The following CREM variants were observed in gnomAD, a reference collection of about 807,000 sequenced individuals.
CREM encodes cAMP-responsive element modulator.
Under a neutral mutation model 37.3 loss-of-function variants are expected in CREM, and 13 were observed. The ratio of observed to expected loss-of-function variants is 0.35; its 90% confidence interval spans 0.23 to 0.55. The LOEUF (loss-of-function observed/expected upper bound fraction) is 0.55. Ranked by LOEUF, CREM falls within the 20% of genes least tolerant of loss-of-function variation. The pLI is 0.88. For missense variants in CREM, 296 were observed against 362.3 expected, an observed-to-expected ratio of 0.82 and a Z score of 1.49; for synonymous variants, 124 against 120.2, an observed-to-expected ratio of 1.03 and a Z score of -0.21.
chr10:35,178,050 G>C (rs1191080956), intron 3 of CREM, among the ~76,000 whole-genome samples: 1 of 152,028 alleles, frequency 6.6e-6, no homozygotes, highest in Non-Finnish European at 1.5e-5. Context: ...ATTTTAATAA[G>C]CTCTTTTGAT....
intron 3 of CREM, among the ~76,000 whole-genome samples, chr10:35,163,529 A>G (rs1589715411): frequency 6.6e-6 from 1 of 152,282 alleles, no homozygotes. Context: ...ATGAAAAATT[A>G]AAAACTTAGG....
intron 6 of CREM, among the ~76,000 whole-genome samples, chr10:35,191,948 A>G (rs1234466940): frequency 7.5e-6 from 1 of 132,678 alleles, no homozygotes; most frequent in Non-Finnish European, 1.7e-5. Flanking sequence ...CCTTGATGCC[A>G]GAAACCTAGG....
chr10:35,159,730 C>T (rs2093169342), intron 3 of CREM, among the ~76,000 whole-genome samples: 1 of 152,128 alleles, frequency 6.6e-6, no homozygotes, highest in Non-Finnish European at 1.5e-5. Flanking sequence ...TTACGTCAAA[C>T]TATAAAGCTT....
rs1357582501 is a variant in CREM, at chr10:35,198,126, T to C, written c.599-8769T>C. Among the ~76,000 whole-genome samples, 5 of 152,256 alleles carry C rather than the reference T, an allele frequency of 3.3e-5. No individual in the cohort carries two copies. The South Asian group carries it at 8.3e-4, about 25-fold the overall frequency. On this transcript the variant is annotated intron_variant, in intron 6 of 7. Transcript: ENST00000685392. ...CCATTAATGGTCTACAGCTTACAGT[T>C]TGAAAAACTTTGATCTAGACCAAAA...
chr10:35,145,922 C>T (rs879269005), intron 2 of CREM, among the ~76,000 whole-genome samples: 1 of 151,896 alleles, frequency 6.6e-6, no homozygotes, highest in Non-Finnish European at 1.5e-5. Flanking sequence ...AAGTTTGATT[C>T]ACTAGGTTTG....
chr10:35,152,440 A>G (rs986656505), intron 3 of CREM: 2 of 152,220 alleles, frequency 1.3e-5, no homozygotes, highest in Non-Finnish European at 1.5e-5. Flanking sequence ...ATAACTTTGT[A>G]GTAATAAATG....
intron 6 of CREM, among the ~76,000 whole-genome samples, chr10:35,189,269 A>G (rs1234500564): frequency 6.6e-6 from 1 of 152,018 alleles, no homozygotes; most frequent in African/African-American, 2.4e-5. Context: ...GCTGTCAGTA[A>G]TGAAATAAAA....
chr10:35,185,198 A>T (rs942253086), intron 5 of CREM, among the ~76,000 whole-genome samples: 11 of 150,508 alleles, frequency 7.3e-5, no homozygotes, highest in African/African-American at 2.4e-4. Context: ...CGCCTCCCAG[A>T]TTCAAGCGAT....
intron 6 of CREM, among the ~76,000 whole-genome samples, chr10:35,189,758 C>T (rs1012332054): frequency 2.0e-4 from 31 of 152,278 alleles, no homozygotes; most frequent in African/African-American, 6.7e-4. Context: ...TCAGGCAGTC[C>T]ACCCACCTTG....
Position 35,189,836 on chromosome 10 carries a change from C to T in CREM, c.598+1448C>T, listed in dbSNP as rs576695262. 9.9e-5 allele frequency among the ~76,000 whole-genome samples: 15 copies of T among 152,128 alleles called. No individual in the cohort carries two copies. The South Asian group carries it at 1.0e-3, about 11-fold the overall frequency. ...GAAAGTAAAATCAGTTATTTTAGTT[C>T]GAATGTCTTGCAGGTATGATAAGCA... On this transcript the variant is annotated intron_variant, in intron 6 of 7. Transcript: ENST00000685392.
chr10:35,202,858 T>C (rs1227851586), intron 6 of CREM, among the ~76,000 whole-genome samples: 4 of 152,184 alleles, frequency 2.6e-5, no homozygotes, highest in Non-Finnish European at 5.9e-5. Flanking sequence ...CCTTCCAAGT[T>C]ATTTTAAAGT....
At chr10:35,199,811 G>A (rs1423611324) in intron 6 of CREM, among the ~76,000 whole-genome samples, 1 of 150,682 alleles carries the variant, frequency 6.6e-6, no homozygotes, top group Non-Finnish European at 1.5e-5. Context: ...TGTCACGTGA[G>A]TACATGCTGC....
At chr10:35,170,128 A>T (rs2093739095) in intron 3 of CREM, among the ~76,000 whole-genome samples, 2 of 151,888 alleles carry the variant, frequency 1.3e-5, no homozygotes, top group South Asian at 2.1e-4. Context: ...ACACCCGGCT[A>T]ATTTTTTTTG....
At position 35,146,190 on chromosome 10, in the gene CREM, G is replaced by A. The variant is rs181848541; in HGVS notation, c.45-2178G>A. Among the ~76,000 whole-genome samples the A allele has an allele frequency of 2.3e-3, 344 of 152,364 alleles. 1 individual carries two copies. The highest frequency in any genetic ancestry group is 3.9e-3 in the Admixed American group (59 of 15,310). On this transcript the variant is annotated intron_variant, in intron 2 of 7. Transcript: ENST00000685392. ...TAATTTTTGAGTTGAGACCCAAGTT[G>A]TTGCAGAATCTTAAGAAAGGTTTTG... is the stretch of plus-strand genomic sequence containing the variant.
At chr10:35,198,082 A>G (rs931966196) in intron 6 of CREM, among the ~76,000 whole-genome samples, 1 of 152,158 alleles carries the variant, frequency 6.6e-6, no homozygotes, top group African/African-American at 2.4e-5. Context: ...TTCTTGACCC[A>G]TGAAATTTGC....
intron 1 of CREM, among the ~76,000 whole-genome samples, chr10:35,130,008 C>A (rs1172421818): frequency 6.6e-6 from 1 of 151,634 alleles, no homozygotes; most frequent in African/African-American, 2.4e-5. Context: ...ACCAGCCTAA[C>A]CAACATGAAG....
intron 3 of CREM, among the ~76,000 whole-genome samples, chr10:35,155,036 T>C (rs2136173690): frequency 6.6e-6 from 1 of 152,342 alleles, no homozygotes; most frequent in Non-Finnish European, 1.5e-5. Flanking sequence ...GTACTTTGCT[T>C]TAAATAAATT....
At chr10:35,160,840 A>G (rs2093248194) in intron 3 of CREM, among the ~76,000 whole-genome samples, 1 of 152,180 alleles carries the variant, frequency 6.6e-6, no homozygotes, top group Non-Finnish European at 1.5e-5. Context: ...AGACACAAAC[A>G]CACATGTTGG....
chr10:35,211,432 A>G lies in CREM; in HGVS notation c.*34A>G, dbSNP rs1426565232. ...GACTTGGACCTTGTTTACTCTAATC[A>G]AGGCAGGAGATGCAGCAGTCCTACT... On this transcript the variant is annotated 3_prime_UTR_variant, in exon 8 of 8. Coordinates refer to ENST00000685392, the MANE Select transcript of CREM (RefSeq NM_183011.2). 1 of 1,601,972 alleles carries G rather than the reference A, an allele frequency of 6.2e-7. No homozygotes were observed.
Sources: gnomAD v4.1 joint callset for allele counts (sites outside exome capture counted in the v4.1 genomes callset) on GRCh38, gnomAD v4.1.1 for gene constraint, MANE v1.5 for transcripts, NCBI Gene and HGNC (gene_info 2026-07-23, HGNC 2026-07-21) for gene names.